SYDE1: variants seen among roughly 807,000 people sequenced by gnomAD.
SYDE1 encodes rho GTPase-activating protein SYDE1.
Under a neutral mutation model 63.3 loss-of-function variants are expected in SYDE1, and 34 were observed. The ratio of observed to expected loss-of-function variants is 0.54; its 90% confidence interval spans 0.41 to 0.71. SYDE1 has a LOEUF of 0.71. Among genes scored for constraint, SYDE1 ranks in the 30% least tolerant of loss-of-function variants. The pLI is 0.00. For missense variants in SYDE1, 925 were observed against 1,042.5 expected, an observed-to-expected ratio of 0.89 and a Z score of 1.55; for synonymous variants, 467 against 473.4, an observed-to-expected ratio of 0.99 and a Z score of 0.18.
rs1002843131 is a variant in SYDE1 at position 15,110,056 on chromosome 19, G to A, written c.783G>A (p.Pro261=). 3 of 1,498,370 alleles carry A rather than the reference G, an allele frequency of 2.0e-6. No individual in the cohort carries two copies. Among genetic ancestry groups the A allele is most frequent in the African/African-American group, 2.9e-5 (2 of 68,904 alleles). The allele number at this position is 1,498,370 out of a possible 1,614,324, so 92.8% of individuals were successfully genotyped here. A position where few individuals can be genotyped will look rare whatever the true frequency, so the allele number is the denominator to read the frequency against. The change falls in exon 3 of 8, where the codon CCG becomes CCA. Residue 261 remains proline (P), a synonymous_variant. Coordinates refer to ENST00000342784, the MANE Select transcript of SYDE1 (RefSeq NM_033025.6). The surrounding 1 kb of genome is among the most constrained non-coding windows in gnomAD (Gnocchi z 6.9). The stretch of plus-strand genomic sequence containing the variant: ...TGGGTCCCGCAGCCCGGGCACCCCC[G>A]GCCGCACTCTGGGGCCGCCTCAGCC... ...YEVGPAARAP[P]AALWGRLSLH...
rs1203693997 is a variant in SYDE1, at chr19:15,110,899, T to C, written c.1290+164T>C. ...AGGCGCCCCCTTGACTGTAGCACCC[T>C]GGGCAGAACCCATGGGTCATCCATT... is the stretch of plus-strand genomic sequence containing the variant. On this transcript the variant is annotated intron_variant, in intron 4 of 7. Transcript: ENST00000342784. The surrounding 1 kb of genome is among the most constrained non-coding windows in gnomAD (Gnocchi z 6.9). Among the ~76,000 whole-genome samples, 1 of 152,130 alleles carries C rather than the reference T, an allele frequency of 6.6e-6. No homozygotes were observed. The highest frequency in any genetic ancestry group is 1.5e-5 in the Non-Finnish European group (1 of 68,012).
chr19:15,111,183 A>G lies in SYDE1; in HGVS notation c.1291-130A>G. 2.0e-6 allele frequency: 2 copies of G among 975,952 alleles called. No homozygotes were observed. Among genetic ancestry groups the G allele is most frequent in the South Asian group, 1.6e-5 (1 of 64,440 alleles). The allele number at this position is 975,952 out of a possible 1,614,324, so 60.5% of individuals were successfully genotyped here. Reference sequence around the variant, plus strand: ...GAGGGTTTACAAGGCCAGGTTGTCAAGGTAGTTCCAACCTCCCAGCCCACA... The same window carrying G: ...GAGGGTTTACAAGGCCAGGTTGTCAGGGTAGTTCCAACCTCCCAGCCCACA... On this transcript the variant is annotated intron_variant, in intron 4 of 7. Transcript: ENST00000342784. This position sits in a 1 kb window ranked among gnomAD's most constrained non-coding sequence, Gnocchi z 5.5.
At position 15,114,128 on chromosome 19, in the gene SYDE1, G is replaced by A. The variant is rs1316291867; in HGVS notation, c.*165G>A. On this transcript the variant is annotated 3_prime_UTR_variant, in exon 8 of 8. Coordinates refer to ENST00000342784, the MANE Select transcript of SYDE1 (RefSeq NM_033025.6). Reference sequence around the variant, plus strand: ...CGTGTATGGCTGAGACTCATTCCCAGTTTCCAGGGCCCGGTATTTGGACAC... The same window carrying A: ...CGTGTATGGCTGAGACTCATTCCCAATTTCCAGGGCCCGGTATTTGGACAC... 4 of 674,482 alleles carry A rather than the reference G, an allele frequency of 5.9e-6. No individual in the cohort carries two copies. The highest frequency in any genetic ancestry group is 9.9e-6 in the Non-Finnish European group (4 of 403,650). 41.8% of individuals were successfully genotyped at this position (674,482 alleles called of 1,614,324 possible).
chr19:15,111,199 C>A lies in SYDE1; in HGVS notation c.1291-114C>A. The A allele has an allele frequency of 8.1e-7, 1 of 1,237,410 alleles. No homozygotes were observed. The highest frequency in any genetic ancestry group is 2.4e-5 in the East Asian group (1 of 41,966). The allele number at this position is 1,237,410 out of a possible 1,614,324, so 76.7% of individuals were successfully genotyped here. A position where few individuals can be genotyped will look rare whatever the true frequency, so the allele number is the denominator to read the frequency against. On this transcript the variant is annotated intron_variant, in intron 4 of 7. Transcript: ENST00000342784. The surrounding 1 kb of genome is among the most constrained non-coding windows in gnomAD (Gnocchi z 5.5). ...AGGTTGTCAAGGTAGTTCCAACCTC[C>A]CAGCCCACAATGCCCATTGCTGCCT... is the stretch of plus-strand genomic sequence containing the variant.
rs1020887442 is a variant in SYDE1, at chr19:15,110,974, G to A, written c.1290+239G>A. ...TCCTGGGGCTCAGAGTCTGATGGGGGAAAAGATACGACTCTAGTCATTCAC... is the reference window on the plus strand; with the variant it reads ...TCCTGGGGCTCAGAGTCTGATGGGGAAAAAGATACGACTCTAGTCATTCAC... On this transcript the variant is annotated intron_variant, in intron 4 of 7. Coordinates refer to ENST00000342784, the MANE Select transcript of SYDE1 (RefSeq NM_033025.6). This position sits in a 1 kb window ranked among gnomAD's most constrained non-coding sequence, Gnocchi z 6.9. Among the ~76,000 whole-genome samples the A allele has an allele frequency of 1.3e-5, 2 of 152,012 alleles. No individual in the cohort carries two copies. The highest frequency in any genetic ancestry group is 2.9e-5 in the Non-Finnish European group (2 of 67,988).
In SYDE1 at chr19:15,107,473, C is replaced by G; in HGVS notation, c.40C>G (p.Arg14Gly). 1.3e-6 allele frequency: 2 copies of G among 1,535,834 alleles called. No homozygotes were observed. Among genetic ancestry groups the G allele is most frequent in the Admixed American group, 2.0e-5 (1 of 51,022 alleles). The change falls in exon 1 of 8, where the codon CGG (arginine) becomes GGG (glycine). Residue 14 changes from arginine to glycine, a missense_variant. Coordinates refer to ENST00000342784, the MANE Select transcript of SYDE1 (RefSeq NM_033025.6). ...PLLRKTFSRLRGREKLPRKKS... is the reference protein window; with the variant it reads ...PLLRKTFSRLGGREKLPRKKS... Reference sequence around the variant, plus strand: ...ACTCAGGAAAACCTTCTCCCGCCTGCGGGGCCGGGAGAAACTTCCCCGGAA... The same window carrying G: ...ACTCAGGAAAACCTTCTCCCGCCTGGGGGGCCGGGAGAAACTTCCCCGGAA...
Position 15,109,775 on chromosome 19 carries a change from A to C in SYDE1, c.502A>C (p.Ile168Leu). Residue 168 changes from isoleucine (I) to leucine (L), a missense_variant, in exon 3 of 8, where the codon ATA (isoleucine) becomes CTA (leucine). Transcript: ENST00000342784. This position sits in a 1 kb window ranked among gnomAD's most constrained non-coding sequence, Gnocchi z 5.0. ...CCCGGGCCCCGCCAGGCGCCTCTCCATAAAGATGAAGAAGCTGCCGGAACT... is the reference window on the plus strand; with the variant it reads ...CCCGGGCCCCGCCAGGCGCCTCTCCCTAAAGATGAAGAAGCTGCCGGAACT... The part of the protein sequence containing the change: ...KSPGPARRLS[I>L]KMKKLPELRR... The C allele has an allele frequency of 6.5e-7, 1 of 1,540,082 alleles. No individual in the cohort carries two copies. The highest frequency in any genetic ancestry group is 8.7e-7 in the Non-Finnish European group (1 of 1,146,206).
chr19:15,107,419 G>A lies in SYDE1; in HGVS notation c.-15G>A. Reference sequence around the variant, plus strand: ...CCGGGGCGCGCACTCGGCTCGGCCCGGCCCGGGCCGCAGCATGGCCGAGCC... The same window carrying A: ...CCGGGGCGCGCACTCGGCTCGGCCCAGCCCGGGCCGCAGCATGGCCGAGCC... On this transcript the variant is annotated 5_prime_UTR_variant, in exon 1 of 8. Transcript: ENST00000342784. 7.6e-7 allele frequency: 1 copy of A among 1,316,262 alleles called. No individual in the cohort carries two copies. The highest frequency in any genetic ancestry group is 1.0e-6 in the Non-Finnish European group (1 of 1,004,300). The allele number at this position is 1,316,262 out of a possible 1,614,324, so 81.5% of individuals were successfully genotyped here.
chr19:15,110,919 T>C lies in SYDE1; in HGVS notation c.1290+184T>C, dbSNP rs2046342283. Among the ~76,000 whole-genome samples, 2 of 152,158 alleles carry C rather than the reference T, an allele frequency of 1.3e-5. No individual in the cohort carries two copies. Among genetic ancestry groups the C allele is most frequent in the Admixed American group, 1.3e-4 (2 of 15,276 alleles). On this transcript the variant is annotated intron_variant, in intron 4 of 7. Transcript: ENST00000342784. This position sits in a 1 kb window ranked among gnomAD's most constrained non-coding sequence, Gnocchi z 6.9. ...CACCCTGGGCAGAACCCATGGGTCA[T>C]CCATTGATTTAAAAACAGGATCCAA... is the stretch of plus-strand genomic sequence containing the variant.
chr19:15,109,128 G>C lies in SYDE1; in HGVS notation c.161G>C (p.Gly54Ala), dbSNP rs1278665718. Residue 54 changes from glycine (G) to alanine (A), a missense_variant, in exon 2 of 8, where the codon GGA (glycine) becomes GCA (alanine). Gly to Ala is a moderately conservative substitution (Grantham distance 60, BLOSUM62 0). Transcript: ENST00000342784. This position sits in a 1 kb window ranked among gnomAD's most constrained non-coding sequence, Gnocchi z 5.0. Reference sequence around the variant, plus strand: ...CAGGCTCCCGAAGGGTCCCAGGCCGGAGCAGAGGGGCCCTCCAGCCCCGAG... The same window carrying C: ...CAGGCTCCCGAAGGGTCCCAGGCCGCAGCAGAGGGGCCCTCCAGCCCCGAG... Reference protein sequence around the residue: ...EPQAPEGSQAGAEGPSSPEAS... With the variant: ...EPQAPEGSQAAAEGPSSPEAS... 1 of 1,550,078 alleles carries C rather than the reference G, an allele frequency of 6.5e-7. No individual in the cohort carries two copies. The highest frequency in any genetic ancestry group is 8.7e-7 in the Non-Finnish European group (1 of 1,146,766).
rs576323020 is a variant in SYDE1 at position 15,111,658 on chromosome 19, T to C, written c.1444T>C (p.Leu482=). Reference sequence around the variant, plus strand: ...CATCCTCAAGGATTATCTTCGAGAGTTGCCCACCCCACTCATCACCCAGCC... The same window carrying C: ...CATCCTCAAGGATTATCTTCGAGAGCTGCCCACCCCACTCATCACCCAGCC... ...TGILKDYLRE[L]PTPLITQPLY... Residue 482 remains leucine (L), a synonymous_variant, in exon 6 of 8, where the codon TTG becomes CTG. Transcript: ENST00000342784. The surrounding 1 kb of genome is among the most constrained non-coding windows in gnomAD (Gnocchi z 5.5). 10 of 1,613,714 alleles carry C rather than the reference T, an allele frequency of 6.2e-6. No homozygotes were observed. The East Asian group carries it at 1.6e-4, about 25-fold the overall frequency.
Position 15,109,258 on chromosome 19 carries a change from G to T in SYDE1, c.291G>T (p.Gly97=), listed in dbSNP as rs376454594. 3.7e-6 allele frequency: 6 copies of T among 1,605,254 alleles called. No individual in the cohort carries two copies. In the African/African-American group the frequency reaches 8.0e-5, roughly 21 times the overall value. The change falls in exon 2 of 8, where the codon GGG becomes GGT. Residue 97 remains glycine, a synonymous_variant. Coordinates refer to ENST00000342784, the MANE Select transcript of SYDE1 (RefSeq NM_033025.6). The surrounding 1 kb of genome is among the most constrained non-coding windows in gnomAD (Gnocchi z 5.0). ...AGCCAGCTGAGGACACCTCTTTAGG[G>T]CCTGGGGTACCTGGCACTGGGGAGC... The part of the protein sequence containing the change: ...GAKPAEDTSL[G]PGVPGTGEPA...
intron 1 of SYDE1, among the ~76,000 whole-genome samples, 198 bp downstream of exon 1, chr19:15,107,719 T>G: frequency 6.7e-6 from 1 of 150,090 alleles, no homozygotes; most frequent in East Asian, 2.0e-4. Flanking sequence ...CGCGGACCGT[T>G]ATGTGCTGCT....
Position 15,108,986 on chromosome 19 carries a change from TC to T in SYDE1, c.89-69del, listed in dbSNP as rs3214220. The stretch of plus-strand genomic sequence containing the variant: ...CCGTACACAGCATCCCACCCACTGA[TC>T]AATTGCACAGGGCTGCTCTGCAGGC... On this transcript the variant is annotated intron_variant, in intron 1 of 7. Transcript: ENST00000342784. The surrounding 1 kb of genome is among the most constrained non-coding windows in gnomAD (Gnocchi z 4.3). The T allele has an allele frequency of 0.21, 303,544 of 1,431,456 alleles. 34,099 individuals carry two copies. The highest frequency in any genetic ancestry group is 0.35 in the East Asian group (13,782 of 39,730). 88.7% of individuals were successfully genotyped at this position (1,431,456 alleles called of 1,614,324 possible).
chr19:15,110,187 C>T lies in SYDE1; in HGVS notation c.914C>T (p.Pro305Leu). ...GGGGAGGCCAGGGCCCGAACAGGGC[C>T]ACTGCGAGGGGGGCCGGACTTCCTG... ...VDGEARARTG[P>L]LRGGPDFLRL... is the part of the protein sequence containing the mutation. Residue 305 changes from proline (P) to leucine (L), a missense_variant, in exon 3 of 8, where the codon CCA (proline) becomes CTA (leucine). Physicochemically the swap from Pro to Leu is moderately conservative, Grantham distance 98 (BLOSUM62 -3). This residue lies in a region of SYDE1 where 599 missense variants were observed against 653.7 expected (regional missense o/e 0.92). Coordinates refer to ENST00000342784, the MANE Select transcript of SYDE1 (RefSeq NM_033025.6). This position sits in a 1 kb window ranked among gnomAD's most constrained non-coding sequence, Gnocchi z 6.9. 7.1e-7 allele frequency: 1 copy of T among 1,414,464 alleles called. No individual in the cohort carries two copies. Among genetic ancestry groups the T allele is most frequent in the Non-Finnish European group, 9.2e-7 (1 of 1,087,444 alleles). The allele number at this position is 1,414,464 out of a possible 1,614,324, so 87.6% of individuals were successfully genotyped here.
chr19:15,114,103 C>T lies in SYDE1; in HGVS notation c.*140C>T. ...CAGCGAGTTACCACGGGACCAGTCG[C>T]GTGTATGGCTGAGACTCATTCCCAG... On this transcript the variant is annotated 3_prime_UTR_variant, in exon 8 of 8. Transcript: ENST00000342784. The T allele has an allele frequency of 3.7e-6, 3 of 810,354 alleles. No homozygotes were observed. The highest frequency in any genetic ancestry group is 3.9e-6 in the Non-Finnish European group (2 of 509,974). 50.2% of individuals were successfully genotyped at this position (810,354 alleles called of 1,614,324 possible). A position where few individuals can be genotyped will look rare whatever the true frequency, so the allele number is the denominator to read the frequency against.
chr19:15,111,800 G>A lies in SYDE1; in HGVS notation c.1578+8G>A. ...CTGCCAGATGTGGAAAGGGTGAGTTGGGCCTGGTGGGAGTGATGGGACTTG... is the reference window on the plus strand; with the variant it reads ...CTGCCAGATGTGGAAAGGGTGAGTTAGGCCTGGTGGGAGTGATGGGACTTG... On this transcript the variant is annotated splice_region_variant and intron_variant, in intron 6 of 7. Transcript: ENST00000342784. The surrounding 1 kb of genome is among the most constrained non-coding windows in gnomAD (Gnocchi z 5.5). The A allele has an allele frequency of 6.4e-7, 1 of 1,564,762 alleles. No homozygotes were observed. Among genetic ancestry groups the A allele is most frequent in the Non-Finnish European group, 8.6e-7 (1 of 1,156,148 alleles).
At position 15,110,170 on chromosome 19, in the gene SYDE1, C is replaced by T; in HGVS notation, c.897C>T (p.Ala299=). The T allele has an allele frequency of 7.1e-7, 1 of 1,408,418 alleles. No individual in the cohort carries two copies. 87.2% of individuals were successfully genotyped at this position (1,408,418 alleles called of 1,614,324 possible). Residue 299 remains alanine (A), a synonymous_variant, in exon 3 of 8, where the codon GCC becomes GCT. Coordinates refer to ENST00000342784, the MANE Select transcript of SYDE1 (RefSeq NM_033025.6). The surrounding 1 kb of genome is among the most constrained non-coding windows in gnomAD (Gnocchi z 6.9). ...LCCLLQVDGE[A]RARTGPLRGG... is the part of the protein sequence containing the mutation. ...GCCTACTGCAAGTGGATGGGGAGGC[C>T]AGGGCCCGAACAGGGCCACTGCGAG... is the stretch of plus-strand genomic sequence containing the variant.
rs377224290 is a variant in SYDE1 at position 15,109,291 on chromosome 19, C to T, written c.324C>T (p.Gly108=). 15 of 1,613,314 alleles carry T rather than the reference C, an allele frequency of 9.3e-6. No homozygotes were observed. The South Asian group carries it at 1.2e-4, about 13-fold the overall frequency. The change falls in exon 2 of 8, where the codon GGC becomes GGT. Residue 108 remains glycine, a synonymous_variant. Transcript: ENST00000342784. This position sits in a 1 kb window ranked among gnomAD's most constrained non-coding sequence, Gnocchi z 5.0. The part of the protein sequence containing the change: ...PGVPGTGEPA[G]EIWYNPIPEE... ...TACCTGGCACTGGGGAGCCCGCCGG[C>T]GAGATCTGGTACAACCCCATCCCTG...
Sources: allele counts gnomAD v4.1 joint callset (sites outside exome capture counted in the v4.1 genomes callset), GRCh38; gene constraint gnomAD v4.1.1; regional missense constraint gnomAD v4.1.1; non-coding constraint Gnocchi (gnomAD v3.1); transcripts MANE v1.5; gene names NCBI Gene and HGNC (gene_info 2026-07-23, HGNC 2026-07-21).